The following AP1M2 variants were observed in gnomAD, a reference collection of about 807,000 sequenced individuals.
AP1M2 encodes adaptor related protein complex 1 subunit mu 2, also known as AP-1 complex subunit mu-2.
AP1M2 carries 41 observed loss-of-function variants against 54.6 expected under a neutral mutation model. The observed-to-expected ratio is 0.75, with a 90% CI of 0.59 to 0.97. The LOEUF is 0.97. Among genes scored for constraint, AP1M2 ranks in the 50% least tolerant of loss-of-function variants. The probability of loss-of-function intolerance (pLI) is 0.00; values close to 1 mark genes in which losing one functional copy is unlikely to be tolerated. For synonymous variants in AP1M2, 219 were observed against 215.9 expected (o/e 1.01, Z -0.13); for missense variants, 507 against 561.2 (o/e 0.90, Z 0.98).
intron 8 of AP1M2, among the ~76,000 whole-genome samples, chr19:10,578,323 T>C (rs918021295): frequency 2.0e-5 from 3 of 151,862 alleles, no homozygotes; most frequent in African/African-American, 4.8e-5. Context: ...ATCCCAGCAC[T>C]TGGGGAGATG....
intron 1 of AP1M2, among the ~76,000 whole-genome samples, chr19:10,585,317 A>AAG (rs1303484513): frequency 3.5e-5 from 5 of 143,160 alleles, no homozygotes. Context: ...GAAAGAAAGA[A>AAG]AGAAAGAAAG....
intron 1 of AP1M2, 80 bp downstream of exon 1, chr19:10,587,110 C>T (rs1300157216): frequency 1.0e-5 from 15 of 1,490,564 alleles, no homozygotes; most frequent in Admixed American, 4.1e-5. Context: ...TCTTCCTGGC[C>T]CGCGCGGAGG....
chr19:10,585,256 GAAAGAAGGAAAGAAAGAAAGAAGAAAA>G (rs1917594072), intron 1 of AP1M2, among the ~76,000 whole-genome samples: 7 of 108,292 alleles, frequency 6.5e-5, no homozygotes, highest in Admixed American at 3.2e-4. Context: ...AGGAAAGAAG[GAAAGAAGGAAAGAAAGAAAGAAGAAAA>G]AAAGAAAGAA....
intron 1 of AP1M2, among the ~76,000 whole-genome samples, chr19:10,585,206 C>T (rs1458137644): frequency 6.9e-6 from 1 of 144,314 alleles, no homozygotes; most frequent in Admixed American, 7.3e-5. Flanking sequence ...CAGAGTGAGA[C>T]CCTGTCAAAA....
rs775007033 is a variant in AP1M2 at position 10,581,318 on chromosome 19, C to G, written c.621G>C (p.Met207Ile). ...CATTGAGGCCCAGCCGCAGCTCTGG[C>G]ATTCCTGACAGAAACACCTTGAGCT... ...TIKLKVFLSG[M>I]PELRLGLNDR... Residue 207 changes from methionine (M) to isoleucine (I), a missense_variant, in exon 6 of 12, where the codon ATG (methionine) becomes ATC (isoleucine). Coordinates refer to ENST00000250244, the MANE Select transcript of AP1M2 (RefSeq NM_005498.5). 3.7e-6 allele frequency: 6 copies of G among 1,613,938 alleles called. No individual in the cohort carries two copies. Among genetic ancestry groups the G allele is most frequent in the Non-Finnish European group, 5.1e-6 (6 of 1,179,812 alleles).
chr19:10,582,305 G>T (rs1917492663), intron 3 of AP1M2, among the ~76,000 whole-genome samples: 1 of 139,468 alleles, frequency 7.2e-6, no homozygotes, highest in African/African-American at 2.6e-5. Context: ...GCTTCCCAAA[G>T]TGCTGGGATT....
intron 1 of AP1M2, among the ~76,000 whole-genome samples, chr19:10,586,061 A>T (rs942600665): frequency 2.6e-5 from 4 of 152,236 alleles, no homozygotes; most frequent in African/African-American, 9.6e-5. Context: ...AGGTGGGCGG[A>T]TCACGAGGTC....
At chr19:10,582,062 T>C (rs1236981085) in intron 3 of AP1M2, among the ~76,000 whole-genome samples, 184 bp from the exon 4 acceptor site, 1 of 151,754 alleles carries the variant, frequency 6.6e-6, no homozygotes, top group African/African-American at 2.4e-5. Context: ...CTTTTTTTTT[T>C]CGAGACAGTC....
intron 7 of AP1M2, among the ~76,000 whole-genome samples, chr19:10,579,167 A>G (rs1917350401): frequency 1.3e-5 from 2 of 151,934 alleles, no homozygotes; most frequent in South Asian, 4.2e-4. Context: ...CTGTAATCCC[A>G]GCACTTTGGG....
At chr19:10,576,559 G>A (rs1190529026) in intron 9 of AP1M2, among the ~76,000 whole-genome samples, 1 of 151,924 alleles carries the variant, frequency 6.6e-6, no homozygotes, top group Non-Finnish European at 1.5e-5. Context: ...ACCGTGCCCT[G>A]CCCTAATTTT....
At chr19:10,575,380 T>C (rs1262429986) in intron 9 of AP1M2, among the ~76,000 whole-genome samples, 1 of 151,872 alleles carries the variant, frequency 6.6e-6, no homozygotes, top group Non-Finnish European at 1.5e-5. Flanking sequence ...AATCAGGGTT[T>C]TTTTCTTTTT....
Position 10,577,366 on chromosome 19 carries a change from G to A in AP1M2, c.889-10C>T, listed in dbSNP as rs764156446. On this transcript the variant is annotated splice_polypyrimidine_tract_variant and intron_variant, in intron 8 of 11. Coordinates refer to ENST00000250244, the MANE Select transcript of AP1M2 (RefSeq NM_005498.5). ...TAAACTGCCCCTTGGCCTGTCAGGG[G>A]AGCGAGCATGGGGCACGAAGAATTC... The A allele has an allele frequency of 1.9e-6, 3 of 1,601,842 alleles. No homozygotes were observed. Among genetic ancestry groups the A allele is most frequent in the South Asian group, 2.2e-5 (2 of 89,412 alleles).
chr19:10,577,300 A>G lies in AP1M2; in HGVS notation c.945T>C (p.Pro315=), dbSNP rs770382934. ...SVANGVEISV[P]VPSDADSPRF... ...TGGGGGAGTCGGCATCGCTGGGTAC[A>G]GGCACAGATATCTCCACACCGTTGG... is the stretch of plus-strand genomic sequence containing the variant. The change falls in exon 9 of 12, where the codon CCT becomes CCC. Residue 315 remains proline (P), a synonymous_variant. Transcript: ENST00000250244. 1 of 1,611,870 alleles carries G rather than the reference A, an allele frequency of 6.2e-7. No individual in the cohort carries two copies. The highest frequency in any genetic ancestry group is 8.5e-7 in the Non-Finnish European group (1 of 1,179,084).
At position 10,581,807 on chromosome 19, in the gene AP1M2, C is replaced by G; in HGVS notation, c.339G>C (p.Leu113Phe). The G allele has an allele frequency of 6.2e-7, 1 of 1,614,030 alleles. No individual in the cohort carries two copies. Among genetic ancestry groups the G allele is most frequent in the Non-Finnish European group, 8.5e-7 (1 of 1,180,018 alleles). ...AGCCAAAGTCCATGAGCTCGTCCAG[C>G]AACTCGTAGACGATGACAAAGTTGT... is the stretch of plus-strand genomic sequence containing the variant. Reference protein sequence around the residue: ...IRDNFVIVYELLDELMDFGFP... With the variant: ...IRDNFVIVYEFLDELMDFGFP... The change falls in exon 4 of 12, where the codon TTG becomes TTC. Residue 113 changes from leucine to phenylalanine, a missense_variant. Coordinates refer to ENST00000250244, the MANE Select transcript of AP1M2 (RefSeq NM_005498.5).
intron 9 of AP1M2, among the ~76,000 whole-genome samples, chr19:10,575,543 G>A (rs185932109): frequency 1.3e-5 from 2 of 152,136 alleles, no homozygotes; most frequent in Admixed American, 1.3e-4. Flanking sequence ...GTGGAAATGG[G>A]TTTCCCAAAC....
chr19:10,582,473 G>A (rs150005806), intron 3 of AP1M2, among the ~76,000 whole-genome samples: 50 of 151,314 alleles, frequency 3.3e-4, no homozygotes, highest in Non-Finnish European at 5.3e-4. Context: ...AAAAAAGGCC[G>A]GGCATGGTGG....
At chr19:10,583,556 A>C in intron 3 of AP1M2, 50 bp downstream of exon 3, 5 of 1,396,174 alleles carry the variant, frequency 3.6e-6, no homozygotes, top group Non-Finnish European at 5.0e-6. Context: ...AGAGGCGGGC[A>C]AGAGGGATAG....
At chr19:10,576,353 C>A (rs1254211268) in intron 9 of AP1M2, among the ~76,000 whole-genome samples, 3 of 150,630 alleles carry the variant, frequency 2.0e-5, no homozygotes, top group African/African-American at 4.9e-5. Flanking sequence ...AGCTCCACCT[C>A]CCGAGTTCAG....
chr19:10,580,073 A>G (rs1304805868), intron 6 of AP1M2, among the ~76,000 whole-genome samples: 4 of 122,812 alleles, frequency 3.3e-5, no homozygotes, highest in African/African-American at 1.2e-4. Context: ...TTTTTTTGAG[A>G]CAGAGTTTCA....
Sources: allele counts gnomAD v4.1 joint callset (sites outside exome capture counted in the v4.1 genomes callset), GRCh38; gene constraint gnomAD v4.1.1; transcripts MANE v1.5; gene names NCBI Gene and HGNC (gene_info 2026-07-23, HGNC 2026-07-21).